The following ZNRF1 variants were observed in gnomAD, a reference collection of about 807,000 sequenced individuals.
ZNRF1 encodes zinc and ring finger 1, also known as E3 ubiquitin-protein ligase ZNRF1.
ZNRF1 carries 3 observed loss-of-function variants against 18.4 expected under a neutral mutation model. The observed-to-expected ratio is 0.16, with a 90% confidence interval of 0.07 to 0.42. ZNRF1 has a LOEUF of 0.42. ZNRF1 is among the 10% of genes least tolerant of loss of function. ZNRF1 has a pLI of 0.99. For missense variants in ZNRF1, 310 were observed against 329.8 expected (o/e 0.94, Z 0.47); for synonymous variants, 157 against 144.2 (o/e 1.09, Z -0.64).
At chr16:75,056,929 G>T (rs112071506) in intron 1 of ZNRF1, among the ~76,000 whole-genome samples, 1 of 151,678 alleles carries the variant, frequency 6.6e-6, no homozygotes, top group Non-Finnish European at 1.5e-5. Context: ...GAGCCACTGC[G>T]CCTGGTCAGG....
At chr16:75,005,959 C>G (rs981685828) in intron 1 of ZNRF1, among the ~76,000 whole-genome samples, 4 of 152,080 alleles carry the variant, frequency 2.6e-5, no homozygotes, top group Non-Finnish European at 4.4e-5. Context: ...ATATGTTGCT[C>G]CTAGTGCTCC....
At chr16:75,084,916 C>T (rs1196613533) in intron 1 of ZNRF1, among the ~76,000 whole-genome samples, 1 of 152,200 alleles carries the variant, frequency 6.6e-6, no homozygotes, top group African/African-American at 2.4e-5. Flanking sequence ...AGAAGTTTAA[C>T]TTATGCATCT....
intron 1 of ZNRF1, among the ~76,000 whole-genome samples, chr16:75,088,011 C>T (rs76527052): frequency 2.0e-5 from 3 of 152,302 alleles, no homozygotes; most frequent in East Asian, 1.9e-4. Context: ...TGAAGGTCTC[C>T]GAGGAAGTTT....
intron 1 of ZNRF1, among the ~76,000 whole-genome samples, chr16:75,017,897 G>T (rs1453631360): frequency 6.6e-6 from 1 of 152,172 alleles, no homozygotes; most frequent in Admixed American, 6.5e-5. Flanking sequence ...GGGAGAGACA[G>T]TATAGGGTAG....
At chr16:75,048,652 C>G (rs974184726) in intron 1 of ZNRF1, among the ~76,000 whole-genome samples, 3 of 152,158 alleles carry the variant, frequency 2.0e-5, no homozygotes, top group East Asian at 3.8e-4. Flanking sequence ...TTAGGGCCTG[C>G]CTTTACCAGT....
intron 1 of ZNRF1, among the ~76,000 whole-genome samples, chr16:75,055,070 G>C (rs1417079928): frequency 1.3e-5 from 2 of 152,190 alleles, no homozygotes; most frequent in Non-Finnish European, 2.9e-5. Context: ...GGGTGGGCAG[G>C]CGTTCGTTTG....
At chr16:75,024,817 T>C (rs1335089000) in intron 1 of ZNRF1, among the ~76,000 whole-genome samples, 1 of 152,256 alleles carries the variant, frequency 6.6e-6, no homozygotes, top group Non-Finnish European at 1.5e-5. Context: ...CCTGCTTCTT[T>C]CGTGGTCACA....
intron 1 of ZNRF1, among the ~76,000 whole-genome samples, chr16:75,032,357 C>T (rs1043458418): frequency 9.2e-5 from 14 of 151,990 alleles, no homozygotes; most frequent in African/African-American, 3.4e-4. Flanking sequence ...GATCTGCCCA[C>T]CTCAGCCTCC....
At chr16:75,009,496 C>G (rs961214751) in intron 1 of ZNRF1, among the ~76,000 whole-genome samples, 1 of 152,190 alleles carries the variant, frequency 6.6e-6, no homozygotes, top group Non-Finnish European at 1.5e-5. Context: ...ATTCCATTGT[C>G]TGTCTACCAC....
chr16:74,999,799 C>T lies in ZNRF1; in HGVS notation c.128C>T (p.Ala43Val), dbSNP rs868784006. ...GGGCACTACCGGACGGGCGGCGGGG[C>T]CATGGGGCTGCGCAGCCGCTCGGTC... ...HFGHYRTGGG[A>V]MGLRSRSVSS... The change falls in exon 1 of 5, where the codon GCC becomes GTC. Residue 43 changes from alanine (A) to valine (V), a missense_variant. Physicochemically the swap from Ala to Val is moderately conservative, Grantham distance 64. Transcript: ENST00000335325. 6.3e-6 allele frequency: 9 copies of T among 1,429,624 alleles called. No homozygotes were observed. Among genetic ancestry groups the T allele is most frequent in the Non-Finnish European group, 7.3e-6 (8 of 1,098,104 alleles). 88.6% of individuals were successfully genotyped at this position (1,429,624 alleles called of 1,614,324 possible).
At chr16:75,058,257 T>A (rs929308511) in intron 1 of ZNRF1, among the ~76,000 whole-genome samples, 1 of 152,086 alleles carries the variant, frequency 6.6e-6, no homozygotes, top group Non-Finnish European at 1.5e-5. Flanking sequence ...TGTGCCACAA[T>A]GGACGCTCCT....
chr16:75,071,447 G>A (rs1049562892), intron 1 of ZNRF1, among the ~76,000 whole-genome samples: 2 of 152,124 alleles, frequency 1.3e-5, no homozygotes, highest in Non-Finnish European at 2.9e-5. Context: ...AGAGACCTCA[G>A]CAAGGGCCGT....
intron 1 of ZNRF1, among the ~76,000 whole-genome samples, chr16:75,020,361 G>A (rs2035128183): frequency 6.6e-6 from 1 of 151,826 alleles, no homozygotes; most frequent in South Asian, 2.1e-4. Flanking sequence ...ACTGTCTTTT[G>A]ATTGGCATGT....
chr16:75,046,026 C>A (rs1003862486), intron 1 of ZNRF1, among the ~76,000 whole-genome samples: 1 of 152,014 alleles, frequency 6.6e-6, no homozygotes, highest in South Asian at 2.1e-4. Context: ...CCTCAGCCTC[C>A]CAAGTAGCTG....
At chr16:75,014,865 T>A (rs2035047224) in intron 1 of ZNRF1, among the ~76,000 whole-genome samples, 1 of 152,038 alleles carries the variant, frequency 6.6e-6, no homozygotes, top group African/African-American at 2.4e-5. Context: ...ATTGTGATTT[T>A]ATTTGTTATT....
chr16:75,089,810 C>G (rs2036114655), intron 1 of ZNRF1, among the ~76,000 whole-genome samples: 1 of 152,148 alleles, frequency 6.6e-6, no homozygotes, highest in African/African-American at 2.4e-5. Context: ...GTTGGGTGGC[C>G]TACTTCCTAG....
At chr16:75,024,705 A>AC (rs1215877883) in intron 1 of ZNRF1, among the ~76,000 whole-genome samples, 1 of 152,250 alleles carries the variant, frequency 6.6e-6, no homozygotes, top group African/African-American at 2.4e-5. Flanking sequence ...GAAAGGCTGA[A>AC]CTCGCACATG....
Position 75,054,248 on chromosome 16 carries a change from C to G in ZNRF1, c.425-39324C>G, listed in dbSNP as rs569463064. Among the ~76,000 whole-genome samples the G allele has an allele frequency of 2.0e-4, 30 of 152,328 alleles. No individual in the cohort carries two copies. In the East Asian group the frequency reaches 5.8e-3, roughly 29 times the overall value. ...AACTGTGTTGACCAGAAGTGCAGTT[C>G]CTGGCTTCAGCCATTTTGCTTTGGA... On this transcript the variant is annotated intron_variant, in intron 1 of 4. Transcript: ENST00000335325.
At chr16:75,050,704 TA>T (rs1177642859) in intron 1 of ZNRF1, among the ~76,000 whole-genome samples, 5 of 148,172 alleles carry the variant, frequency 3.4e-5, no homozygotes, top group Admixed American at 1.3e-4. Context: ...CCGTCTCTAC[TA>T]AAAAAATACA....
Sources: allele counts gnomAD v4.1 joint callset (sites outside exome capture counted in the v4.1 genomes callset), GRCh38; gene constraint gnomAD v4.1.1; transcripts MANE v1.5; gene names NCBI Gene and HGNC (gene_info 2026-07-23, HGNC 2026-07-21).